BNC2: variants seen among roughly 807,000 people sequenced by gnomAD.
BNC2 encodes the protein basonuclin zinc finger protein 2.
In BNC2, 20 loss-of-function variants were observed where a neutral mutation model predicts 76.3. The observed-to-expected ratio is 0.26, with a 90% CI of 0.18 to 0.38. The LOEUF (loss-of-function observed/expected upper bound fraction) is 0.38, where lower values mean the gene tolerates loss of function less well. Among genes scored for constraint, BNC2 ranks in the 10% least tolerant of loss-of-function variants. BNC2 has a pLI of 1.00. For missense variants in BNC2, 1,382 were observed against 1,399.8 expected (o/e 0.99, Z 0.20); for synonymous variants, 582 against 514.8 (o/e 1.13, Z -1.77).
In BNC2 at chr9:16,435,952, C is replaced by T; in HGVS notation, c.2242G>A (p.Val748Met). 6.2e-7 allele frequency: 1 copy of T among 1,614,176 alleles called. No homozygotes were observed. Among genetic ancestry groups the T allele is most frequent in the South Asian group, 1.1e-5 (1 of 91,082 alleles). The change falls in exon 6 of 7, where the codon GTG (valine) becomes ATG (methionine). Residue 748 changes from valine to methionine, a missense_variant. By Grantham distance (21) the Val-to-Met change is conservative (BLOSUM62 1). This residue lies in a region of BNC2 where 798 missense variants were observed against 775.5 expected (regional missense o/e 1.03). Transcript: ENST00000380672. ...MEGDEHIHSE[V>M]SEKVLMNSER... is the part of the protein sequence containing the mutation. ...CTATTCATCAGGACTTTTTCACTCA[C>T]TTCGCTGTGAATGTGCTCATCCCCT... is the stretch of plus-strand genomic sequence containing the variant.
chr9:16,703,008 T>C (rs1823559681), intron 3 of BNC2, among the ~76,000 whole-genome samples: 1 of 152,206 alleles, frequency 6.6e-6, no homozygotes, highest in Non-Finnish European at 1.5e-5. Flanking sequence ...CAAGTGATGA[T>C]ATTTTTTAAG....
rs752988502 is a variant in BNC2 at position 16,694,819 on chromosome 9, T to TA, written c.330+32977dup. ...TCCAAGCCTGCTGAGGACCCCAGACTAAAAAGAGAAAAATGTGCAAACGCA... is the reference window on the plus strand; with the variant it reads ...TCCAAGCCTGCTGAGGACCCCAGACTAAAAAAGAGAAAAATGTGCAAACGCA... On this transcript the variant is annotated intron_variant, in intron 3 of 6. Coordinates refer to ENST00000380672, the MANE Select transcript of BNC2 (RefSeq NM_017637.6). 3.0e-4 allele frequency among the ~76,000 whole-genome samples: 45 copies of TA among 152,028 alleles called. 1 individual carries two copies. The highest frequency in any genetic ancestry group is 2.5e-3 in the Admixed American group (38 of 15,254).
At chr9:16,512,198 G>T (rs1822773218) in intron 5 of BNC2, among the ~76,000 whole-genome samples, 1 of 151,972 alleles carries the variant, frequency 6.6e-6, no homozygotes, top group Admixed American at 6.5e-5. Flanking sequence ...TCCTTAAAAG[G>T]GTGTTTGATC....
At chr9:16,550,149 C>A (rs1818613774) in intron 5 of BNC2, among the ~76,000 whole-genome samples, 1 of 152,092 alleles carries the variant, frequency 6.6e-6, no homozygotes, top group African/African-American at 2.4e-5. Flanking sequence ...AATTTTGTTT[C>A]TTTAAATCAA....
chr9:16,697,150 G>A (rs1221058745), intron 3 of BNC2, among the ~76,000 whole-genome samples: 2 of 150,588 alleles, frequency 1.3e-5, no homozygotes, highest in Non-Finnish European at 3.0e-5. Flanking sequence ...CACGAGGTCA[G>A]GATTTCGAGA....
intron 3 of BNC2, among the ~76,000 whole-genome samples, chr9:16,697,245 C>T (rs1414169487): frequency 6.6e-6 from 1 of 152,148 alleles, no homozygotes; most frequent in African/African-American, 2.4e-5. Context: ...GTAGTCCCAG[C>T]TACTCAGGAG....
At chr9:16,422,880 T>C (rs956984468) in intron 6 of BNC2, among the ~76,000 whole-genome samples, 2 of 152,242 alleles carry the variant, frequency 1.3e-5, no homozygotes, top group African/African-American at 4.8e-5. Flanking sequence ...CATAAAATAC[T>C]GTCCTCATGA....
At chr9:16,817,333 G>A (rs899661014) in intron 1 of BNC2, among the ~76,000 whole-genome samples, 1 of 152,180 alleles carries the variant, frequency 6.6e-6, no homozygotes, top group Non-Finnish European at 1.5e-5. Context: ...GCTGCCATTT[G>A]AGGACAACTT....
chr9:16,791,854 T>C (rs1157026445), intron 1 of BNC2, among the ~76,000 whole-genome samples: 1 of 152,066 alleles, frequency 6.6e-6, no homozygotes, highest in Non-Finnish European at 1.5e-5. Flanking sequence ...TGTAACCCCA[T>C]CACTTTGGGA....
chr9:16,447,678 G>A lies in BNC2; in HGVS notation c.670-10154C>T, dbSNP rs558267162. ...TCAATTCAATCATCAATCAGTTCAAGTAAAAATTCTGCTTGTAAACTAAGG... is the reference window on the plus strand; with the variant it reads ...TCAATTCAATCATCAATCAGTTCAAATAAAAATTCTGCTTGTAAACTAAGG... On this transcript the variant is annotated intron_variant, in intron 5 of 6. Coordinates refer to ENST00000380672, the MANE Select transcript of BNC2 (RefSeq NM_017637.6). Among the ~76,000 whole-genome samples, 477 of 152,108 alleles carry A rather than the reference G, an allele frequency of 3.1e-3. 6 individuals are homozygous for A. Among genetic ancestry groups the A allele is most frequent in the South Asian group, 6.4e-3 (31 of 4,818 alleles).
chr9:16,788,291 C>G (rs573356013), intron 1 of BNC2, among the ~76,000 whole-genome samples: 242 of 152,172 alleles, frequency 1.6e-3, no homozygotes, highest in Middle Eastern at 3.4e-3. Context: ...CGGTGGCTCA[C>G]GCCTGTAATC....
intron 5 of BNC2, among the ~76,000 whole-genome samples, chr9:16,479,419 A>G (rs74577180): frequency 1.3e-5 from 2 of 152,300 alleles, no homozygotes; most frequent in African/African-American, 2.4e-5. Context: ...GCACCTAGCA[A>G]AAGTTTTCAA....
chr9:16,683,676 A>G (rs1822890910), intron 3 of BNC2, among the ~76,000 whole-genome samples: 2 of 152,260 alleles, frequency 1.3e-5, no homozygotes, highest in South Asian at 4.1e-4. Context: ...CCTGAAATAG[A>G]TAGCTGGTGA....
chr9:16,716,438 G>A (rs979263989), intron 3 of BNC2, among the ~76,000 whole-genome samples: 1 of 152,054 alleles, frequency 6.6e-6, no homozygotes, highest in African/African-American at 2.4e-5. Context: ...CAGTCACCAT[G>A]CACTTCTTTA....
chr9:16,800,188 G>A (rs572976308), intron 1 of BNC2, among the ~76,000 whole-genome samples: 3 of 150,254 alleles, frequency 2.0e-5, no homozygotes, highest in African/African-American at 7.3e-5. Flanking sequence ...TTGCACCACT[G>A]CACGCCAGCC....
chr9:16,847,323 T>G (rs1197396058), intron 1 of BNC2, among the ~76,000 whole-genome samples: 2 of 147,916 alleles, frequency 1.4e-5, no homozygotes, highest in East Asian at 2.0e-4. Context: ...TATTTAAAAC[T>G]TGCCACATCA....
Position 16,436,626 on chromosome 9 carries a change from G to C in BNC2, c.1568C>G (p.Ala523Gly). The C allele has an allele frequency of 6.2e-7, 1 of 1,614,064 alleles. No individual in the cohort carries two copies. The highest frequency in any genetic ancestry group is 8.5e-7 in the Non-Finnish European group (1 of 1,180,002). The change falls in exon 6 of 7, where the codon GCA becomes GGA. Residue 523 changes from alanine to glycine, a missense_variant. Transcript: ENST00000380672. ...ATSGAATPVI[A>G]STKSNLALTS... The stretch of plus-strand genomic sequence containing the variant: ...GAGTGCCAGATTTGATTTTGTACTT[G>C]CTATGACAGGGGTGGCAGCTCCTGA...
intron 1 of BNC2, among the ~76,000 whole-genome samples, chr9:16,846,799 G>C (rs956505114): frequency 6.6e-6 from 1 of 152,174 alleles, no homozygotes; most frequent in African/African-American, 2.4e-5. Flanking sequence ...TTTTCCATCA[G>C]CCACAATCTT....
At chr9:16,485,587 G>C (rs941403016) in intron 5 of BNC2, among the ~76,000 whole-genome samples, 2 of 152,136 alleles carry the variant, frequency 1.3e-5, no homozygotes. Flanking sequence ...CATGTGGCTA[G>C]GGCTTACCAA....
Sources: allele counts gnomAD v4.1 joint callset (sites outside exome capture counted in the v4.1 genomes callset), GRCh38; gene constraint gnomAD v4.1.1; regional missense constraint gnomAD v4.1.1; transcripts MANE v1.5; gene names NCBI Gene and HGNC (gene_info 2026-07-23, HGNC 2026-07-21).